CDH18: variants seen among roughly 807,000 people sequenced by gnomAD.
The protein encoded by CDH18 is cadherin-18.
A neutral mutation model predicts 67.9 loss-of-function variants in CDH18; 31 were observed. The observed-to-expected ratio is 0.46, with a 90% confidence interval of 0.34 to 0.62. The LOEUF (loss-of-function observed/expected upper bound fraction) is 0.62, where lower values mean the gene tolerates loss of function less well. Among genes scored for constraint, CDH18 ranks in the 20% least tolerant of loss-of-function variants. The pLI, the probability that CDH18 is intolerant of heterozygous loss-of-function variation, is 0.01. For synonymous variants in CDH18, 362 were observed against 347.2 expected, an observed-to-expected ratio of 1.04 and a Z score of -0.48; for missense variants, 890 against 975.5, an observed-to-expected ratio of 0.91 and a Z score of 1.17.
At chr5:19,508,137 T>G (rs1744520139) in intron 10 of CDH18, among the ~76,000 whole-genome samples, 2 of 152,176 alleles carry the variant, frequency 1.3e-5, no homozygotes, top group Non-Finnish European at 2.9e-5. Context: ...GTCTCTGCTC[T>G]GTATTGGCAT....
chr5:20,458,082 T>C (rs1209564578), intron 1 of CDH18, among the ~76,000 whole-genome samples: 7 of 152,200 alleles, frequency 4.6e-5, no homozygotes, highest in Non-Finnish European at 7.3e-5. Context: ...TATGCTATCA[T>C]AGCCTATAGC....
At chr5:19,492,705 C>T in intron 11 of CDH18, among the ~76,000 whole-genome samples, 1 of 151,796 alleles carries the variant, frequency 6.6e-6, no homozygotes. Context: ...AAAATAAGGT[C>T]AATATTAAGC....
chr5:20,462,652 A>G (rs1751353498), intron 1 of CDH18, among the ~76,000 whole-genome samples: 1 of 152,192 alleles, frequency 6.6e-6, no homozygotes, highest in African/African-American at 2.4e-5. Context: ...TTTTAAAGTC[A>G]TAGTTGTTAT....
At chr5:19,607,270 C>A (rs1247571402) in intron 6 of CDH18, among the ~76,000 whole-genome samples, 1 of 151,362 alleles carries the variant, frequency 6.6e-6, no homozygotes, top group Non-Finnish European at 1.5e-5. Context: ...TAAATTATTA[C>A]TGTCTTAAAA....
At chr5:20,154,138 G>A (rs924577241) in intron 2 of CDH18, among the ~76,000 whole-genome samples, 16 of 152,062 alleles carry the variant, frequency 1.1e-4, no homozygotes, top group African/African-American at 3.9e-4. Context: ...GGAGAGAGTT[G>A]GCTTTCTCTC....
At chr5:20,189,156 T>C (rs980284536) in intron 2 of CDH18, among the ~76,000 whole-genome samples, 2 of 152,082 alleles carry the variant, frequency 1.3e-5, no homozygotes, top group African/African-American at 4.8e-5. Flanking sequence ...TTCAAGTCAC[T>C]TTGCCTGTTT....
chr5:20,383,588 C>T (rs1357413103), intron 1 of CDH18, among the ~76,000 whole-genome samples: 1 of 152,116 alleles, frequency 6.6e-6, no homozygotes, highest in African/African-American at 2.4e-5. Context: ...TAATTTCTAG[C>T]TGATCAACTG....
Position 19,854,258 on chromosome 5 carries a change from T to A in CDH18, c.-256-15016A>T, listed in dbSNP as rs558006158. 4.4e-4 allele frequency among the ~76,000 whole-genome samples: 67 copies of A among 152,266 alleles called. No individual in the cohort carries two copies. The South Asian group carries it at 0.011, about 24-fold the overall frequency. Reference sequence around the variant, plus strand: ...TTATAAAAAATCTAAAGGTCTGATATCTGATTTGGCAAGACTGTGACCAGA... The same window carrying A: ...TTATAAAAAATCTAAAGGTCTGATAACTGATTTGGCAAGACTGTGACCAGA... On this transcript the variant is annotated intron_variant, in intron 2 of 12. Transcript: ENST00000382275.
intron 2 of CDH18, among the ~76,000 whole-genome samples, chr5:19,931,411 A>C (rs907235152): frequency 9.9e-5 from 15 of 151,938 alleles, no homozygotes; most frequent in East Asian, 5.8e-4. Flanking sequence ...TGAAGTGAAC[A>C]TGCATTAAAA....
intron 5 of CDH18, among the ~76,000 whole-genome samples, chr5:19,705,151 C>A (rs1024311140): frequency 6.6e-5 from 10 of 152,088 alleles, no homozygotes; most frequent in African/African-American, 2.4e-4. Flanking sequence ...TACCTTATTA[C>A]GTGGATGATA....
intron 2 of CDH18, among the ~76,000 whole-genome samples, chr5:20,241,905 T>TATATATATATATACATATAA (rs369967608): frequency 7.1e-6 from 1 of 141,452 alleles, no homozygotes; most frequent in African/African-American, 2.8e-5. Context: ...TATATATATA[T>TATATATATATATACATATAA]ATATTGCTTA....
At chr5:20,102,895 A>C (rs1488087751) in intron 2 of CDH18, among the ~76,000 whole-genome samples, 1 of 152,196 alleles carries the variant, frequency 6.6e-6, no homozygotes, top group Non-Finnish European at 1.5e-5. Flanking sequence ...CTTCCTACAA[A>C]AAGTGTTAGT....
chr5:19,524,376 T>A (rs969628159), intron 9 of CDH18, among the ~76,000 whole-genome samples: 2 of 150,596 alleles, frequency 1.3e-5, no homozygotes, highest in African/African-American at 4.8e-5. Context: ...AATATATGTT[T>A]ACTTATCATG....
intron 5 of CDH18, among the ~76,000 whole-genome samples, chr5:19,633,405 A>G (rs1262705070): frequency 6.6e-6 from 1 of 152,200 alleles, no homozygotes; most frequent in Non-Finnish European, 1.5e-5. Context: ...CTCAGAATAC[A>G]AATAAGTACA....
chr5:19,585,389 A>C (rs1743990772), intron 7 of CDH18, among the ~76,000 whole-genome samples: 1 of 152,146 alleles, frequency 6.6e-6, no homozygotes, highest in South Asian at 2.1e-4. Context: ...AGGACTTAAT[A>C]CACAGGAACG....
intron 3 of CDH18, among the ~76,000 whole-genome samples, chr5:19,810,832 G>T (rs1199231298): frequency 6.6e-6 from 1 of 151,858 alleles, no homozygotes; most frequent in African/African-American, 2.4e-5. Flanking sequence ...AGACTAGCCT[G>T]GCCAAACTGG....
At chr5:19,562,288 T>A (rs909153801) in intron 8 of CDH18, among the ~76,000 whole-genome samples, 1 of 152,208 alleles carries the variant, frequency 6.6e-6, no homozygotes, top group Non-Finnish European at 1.5e-5. Context: ...AAACTCTTAA[T>A]AATTTCTTTT....
intron 2 of CDH18, among the ~76,000 whole-genome samples, chr5:20,185,813 C>T (rs1419700907): frequency 1.3e-5 from 2 of 151,934 alleles, no homozygotes; most frequent in African/African-American, 4.8e-5. Context: ...TTTTCTGACA[C>T]TATCCCCCTT....
At chr5:20,181,437 G>A (rs1263458647) in intron 2 of CDH18, among the ~76,000 whole-genome samples, 1 of 152,086 alleles carries the variant, frequency 6.6e-6, no homozygotes, top group Admixed American at 6.6e-5. Flanking sequence ...TAGAATGAGA[G>A]ATCTCATGAA....
Sources: gnomAD v4.1 joint callset for allele counts (sites outside exome capture counted in the v4.1 genomes callset) on GRCh38, gnomAD v4.1.1 for gene constraint, MANE v1.5 for transcripts, NCBI Gene and HGNC (gene_info 2026-07-23, HGNC 2026-07-21) for gene names.